Variants in SHISA5 observed in about 807,000 individuals in gnomAD.
The protein encoded by SHISA5 is protein shisa-5.
A neutral mutation model predicts 27.5 loss-of-function variants in SHISA5; 21 were observed. That is an observed-to-expected ratio of 0.76 (90% CI 0.54 to 1.10). The LOEUF is 1.10. Among genes scored for constraint, SHISA5 ranks in the 50% least tolerant of loss-of-function variants. The pLI is 0.00. For synonymous variants in SHISA5, 137 were observed against 142.2 expected (o/e 0.96, Z 0.26); for missense variants, 314 against 336.3 (o/e 0.93, Z 0.52).
At position 48,468,368 on chromosome 3, in the gene SHISA5, G is replaced by T; in HGVS notation, c.*739C>A. 3 of 1,062,170 alleles carry T rather than the reference G, an allele frequency of 2.8e-6. No individual in the cohort carries two copies. Among genetic ancestry groups the T allele is most frequent in the Non-Finnish European group, 3.4e-6 (3 of 875,370 alleles). The allele number at this position is 1,062,170 out of a possible 1,614,324, so 65.8% of individuals were successfully genotyped here. A position where few individuals can be genotyped will look rare whatever the true frequency, so the allele number is the denominator to read the frequency against. On this transcript the variant is annotated 3_prime_UTR_variant, in exon 6 of 6. Transcript: ENST00000296444. ...GCAAGGGCAGCAGAGCTCCCTGGGG[G>T]CAGCTAGGCTGTGTGTGCATGTGGC...
chr3:48,504,472 G>T, upstream of SHISA5: 1 of 186,956 alleles, frequency 5.3e-6, no homozygotes. The surrounding 1 kb of genome is among the most constrained non-coding windows in gnomAD (Gnocchi z 4.0). Flanking sequence ...CCTGGAGGGC[G>T]TCCCCGGGAA....
chr3:48,489,440 C>A (rs2041352783), intron 2 of SHISA5, among the ~76,000 whole-genome samples: 1 of 150,736 alleles, frequency 6.6e-6, no homozygotes. Flanking sequence ...CTGCCTCAGT[C>A]TCCTGAGTAG....
chr3:48,468,426 A>C lies in SHISA5; in HGVS notation c.*681T>G. On this transcript the variant is annotated 3_prime_UTR_variant, in exon 6 of 6. Coordinates refer to ENST00000296444, the MANE Select transcript of SHISA5 (RefSeq NM_016479.6). The stretch of plus-strand genomic sequence containing the variant: ...CTGGTCCCAGGGGAGATGCGGGGAC[A>C]GGGGACAGTCCAGGCAGACAGGTAC... The C allele has an allele frequency of 8.9e-7, 1 of 1,122,938 alleles. No individual in the cohort carries two copies. The highest frequency in any genetic ancestry group is 1.1e-6 in the Non-Finnish European group (1 of 908,946). The allele number at this position is 1,122,938 out of a possible 1,614,324, so 69.6% of individuals were successfully genotyped here.
rs188057779 is a variant in SHISA5, at chr3:48,479,191, G to A, written c.300C>T (p.Asn100=). ...GSALRFRPGY[N]DPMSGFGATL... ...GCTTTACTTACCCTGACATGGGGTC[G>A]TTGTAGCCAGGGCGAAACCTCAGCG... Residue 100 remains asparagine, a synonymous_variant, in exon 3 of 6, where the codon AAC becomes AAT. Transcript: ENST00000296444. 881 of 1,609,870 alleles carry A rather than the reference G, an allele frequency of 5.5e-4. 5 individuals are homozygous for A. The highest frequency in any genetic ancestry group is 8.1e-5 in the Non-Finnish European group (96 of 1,178,728).
At chr3:48,501,051 G>A (rs2041737582) in intron 2 of SHISA5, 86 bp downstream of exon 2, 1 of 1,415,240 alleles carries the variant, frequency 7.1e-7, no homozygotes, top group African/African-American at 1.4e-5. Context: ...TGAGAGGCCA[G>A]AGGGGCAGAG....
rs2040730999 is a variant in SHISA5, at chr3:48,473,937, G to A, written c.315-4094C>T. Among the ~76,000 whole-genome samples the A allele has an allele frequency of 2.0e-5, 3 of 149,216 alleles. No homozygotes were observed. The highest frequency in any genetic ancestry group is 6.7e-5 in the Admixed American group (1 of 14,836). On this transcript the variant is annotated intron_variant, in intron 3 of 5. Coordinates refer to ENST00000296444, the MANE Select transcript of SHISA5 (RefSeq NM_016479.6). The surrounding 1 kb of genome is among the most constrained non-coding windows in gnomAD (Gnocchi z 4.3). Reference sequence around the variant, plus strand: ...AAAAATTAGCCAGGCTTGGTGGCACGCACCTGTAATCCCAGCTACTCAGGA... The same window carrying A: ...AAAAATTAGCCAGGCTTGGTGGCACACACCTGTAATCCCAGCTACTCAGGA...
chr3:48,489,027 G>T (rs903684489), intron 2 of SHISA5, among the ~76,000 whole-genome samples: 1 of 152,056 alleles, frequency 6.6e-6, no homozygotes, highest in African/African-American at 2.4e-5. Context: ...ACCTGCCAGA[G>T]GGGAGAAAGG....
intron 2 of SHISA5, among the ~76,000 whole-genome samples, chr3:48,498,590 G>T (rs189266519): frequency 6.6e-6 from 1 of 151,620 alleles, no homozygotes; most frequent in Non-Finnish European, 1.5e-5. Flanking sequence ...GGGAAGCTGA[G>T]GCAGGATAAT....
intron 1 of SHISA5, chr3:48,503,753 T>G (rs1376274611): frequency 7.4e-6 from 9 of 1,219,308 alleles, no homozygotes; most frequent in East Asian, 6.9e-5. Flanking sequence ...CCCTGGAACA[T>G]GGGCGGGAGG....
intron 3 of SHISA5, chr3:48,477,217 A>C (rs2040856968): frequency 2.7e-6 from 1 of 371,144 alleles, no homozygotes. Context: ...GCCTCAGCCT[A>C]CAGAGTAGCT....
chr3:48,486,565 T>C (rs905837283), intron 2 of SHISA5, among the ~76,000 whole-genome samples: 2 of 126,546 alleles, frequency 1.6e-5, no homozygotes, highest in African/African-American at 6.0e-5. Flanking sequence ...ATATAGATTA[T>C]AGATTTTATA....
chr3:48,495,711 C>T (rs971979691), intron 2 of SHISA5, among the ~76,000 whole-genome samples: 9 of 147,158 alleles, frequency 6.1e-5, no homozygotes, highest in Non-Finnish European at 1.3e-4. Flanking sequence ...TTAGTAGAGA[C>T]AGGGTTTCAC....
At chr3:48,497,569 A>G (rs1458053838) in intron 2 of SHISA5, among the ~76,000 whole-genome samples, 2 of 151,780 alleles carry the variant, frequency 1.3e-5, no homozygotes, top group Non-Finnish European at 2.9e-5. Flanking sequence ...CCAGAAAAAA[A>G]CAATCTTAAA....
At chr3:48,471,460 C>T (rs186760661) in intron 3 of SHISA5, among the ~76,000 whole-genome samples, 60 of 147,772 alleles carry the variant, frequency 4.1e-4, no homozygotes, top group African/African-American at 1.5e-3. Context: ...GAGGCTGAGG[C>T]AGGAGAATCG....
intron 2 of SHISA5, among the ~76,000 whole-genome samples, chr3:48,490,022 G>C (rs1363649167): frequency 6.6e-6 from 1 of 152,164 alleles, no homozygotes; most frequent in Non-Finnish European, 1.5e-5. Context: ...CACAGGCCCA[G>C]AGTGCACAGG....
chr3:48,504,047 C>T lies in SHISA5; in HGVS notation c.48G>A (p.Leu16=), dbSNP rs1209226054. The T allele has an allele frequency of 1.4e-6, 2 of 1,461,396 alleles. No homozygotes were observed. The highest frequency in any genetic ancestry group is 4.9e-5 in the Admixed American group (2 of 40,600). 90.5% of individuals were successfully genotyped at this position (1,461,396 alleles called of 1,614,324 possible). A position where few individuals can be genotyped will look rare whatever the true frequency, so the allele number is the denominator to read the frequency against. The part of the protein sequence containing the change: ...PAPRILLPLL[L]LLLLTPPPGA... The stretch of plus-strand genomic sequence containing the variant: ...CCGGAGGCGGCGTTAGCAGCAGCAG[C>T]AACAGCAACGGCAACAGGATCCGCG... Residue 16 remains leucine (L), a synonymous_variant, in exon 1 of 6, where the codon TTG becomes TTA. Transcript: ENST00000296444. This position sits in a 1 kb window ranked among gnomAD's most constrained non-coding sequence, Gnocchi z 4.0.
At chr3:48,503,585 A>T (rs2041816663) in intron 1 of SHISA5, 1 of 505,996 alleles carries the variant, frequency 2.0e-6, no homozygotes, top group Non-Finnish European at 2.7e-6. Flanking sequence ...CGGGCTCTAC[A>T]GGAACACAAG....
intron 3 of SHISA5, among the ~76,000 whole-genome samples, chr3:48,475,291 C>T (rs1001089489): frequency 2.0e-5 from 3 of 152,032 alleles, no homozygotes; most frequent in Non-Finnish European, 4.4e-5. Context: ...AATGGAACTA[C>T]GCCTCCGAGA....
At chr3:48,503,192 G>A (rs1351595149) in intron 1 of SHISA5, 1 of 1,289,628 alleles carries the variant, frequency 7.8e-7, no homozygotes, top group Non-Finnish European at 1.0e-6. Flanking sequence ...TCTGAGCTAG[G>A]GCTGAAGACA....
Sources: allele counts gnomAD v4.1 joint callset (sites outside exome capture counted in the v4.1 genomes callset), GRCh38; gene constraint gnomAD v4.1.1; non-coding constraint Gnocchi (gnomAD v3.1); transcripts MANE v1.5; gene names NCBI Gene and HGNC (gene_info 2026-07-23, HGNC 2026-07-21).